Variants in ZNF385D observed in about 807,000 individuals in gnomAD.
ZNF385D encodes zinc finger protein 659.
In ZNF385D, 15 loss-of-function variants were observed where a neutral mutation model predicts 35.8. The observed-to-expected ratio is 0.42, with a 90% CI of 0.28 to 0.64. The LOEUF is 0.64. Among genes scored for constraint, ZNF385D ranks in the 30% least tolerant of loss-of-function variants. The pLI is 0.23. For synonymous variants in ZNF385D, 212 were observed against 186.8 expected, an observed-to-expected ratio of 1.13 and a Z score of -1.10; for missense variants, 474 against 494.6, an observed-to-expected ratio of 0.96 and a Z score of 0.39.
intron 3 of ZNF385D, among the ~76,000 whole-genome samples, chr3:21,919,674 T>G (rs1700359462): frequency 6.6e-6 from 1 of 152,196 alleles, no homozygotes; most frequent in Admixed American, 6.5e-5. Context: ...TTCACTAAAT[T>G]TAACCATATA....
intron 3 of ZNF385D, among the ~76,000 whole-genome samples, chr3:22,139,983 T>A (rs1333550159): frequency 6.6e-6 from 1 of 152,108 alleles, no homozygotes; most frequent in Non-Finnish European, 1.5e-5. Flanking sequence ...ATATAGAGAA[T>A]CTCTCACATA....
rs557635060 is a variant in ZNF385D at position 22,243,073 on chromosome 3, T to C, written c.107-74038A>G. On this transcript the variant is annotated intron_variant, in intron 2 of 5. Coordinates refer to the ZNF385D transcript ENST00000494108. ...AAAATTAAAACTTCTGTGCATTAAA[T>C]AGCACTATCAAAGGAAAACTACAGA... Among the ~76,000 whole-genome samples, 104 of 151,050 alleles carry C rather than the reference T, an allele frequency of 6.9e-4. 5 individuals carry two copies. Among genetic ancestry groups the C allele is most frequent in the African/African-American group, 2.5e-3 (102 of 40,922 alleles).
At position 21,794,893 on chromosome 3, in the gene ZNF385D, TATC is replaced by T. The variant is rs559723171; in HGVS notation, c.326-129868_326-129866del. ...TCTGAACATTGCAAATATTGTCACA[TATC>T]ATACAATGCTATTATGACAATTAAG... is the stretch of plus-strand genomic sequence containing the variant. On this transcript the variant is annotated intron_variant, in intron 3 of 5. Transcript: ENST00000494108. Among the ~76,000 whole-genome samples the T allele has an allele frequency of 1.1e-4, 16 of 152,304 alleles. No homozygotes were observed. In the South Asian group the frequency reaches 2.9e-3, roughly 28 times the overall value.
intron 3 of ZNF385D, among the ~76,000 whole-genome samples, chr3:22,168,214 A>G (rs1362999885): frequency 2.6e-5 from 4 of 152,110 alleles, no homozygotes; most frequent in East Asian, 3.9e-4. Flanking sequence ...ATGTCTCTAT[A>G]TTTTCTAATA....
At chr3:21,931,652 G>A (rs1420612557) in intron 3 of ZNF385D, among the ~76,000 whole-genome samples, 1 of 152,264 alleles carries the variant, frequency 6.6e-6, no homozygotes, top group East Asian at 1.9e-4. Flanking sequence ...GATGCTAGAT[G>A]CAGATGGAAA....
chr3:22,207,488 T>G (rs1229672436), intron 2 of ZNF385D, among the ~76,000 whole-genome samples: 2 of 151,938 alleles, frequency 1.3e-5, no homozygotes. Context: ...ATGAAACTAC[T>G]ATAATAAAAT....
intron 2 of ZNF385D, among the ~76,000 whole-genome samples, chr3:22,217,261 T>G (rs1206555802): frequency 2.0e-5 from 3 of 152,060 alleles, no homozygotes; most frequent in African/African-American, 7.2e-5. Flanking sequence ...AATAAACACT[T>G]TTGCCCATGT....
intron 2 of ZNF385D, among the ~76,000 whole-genome samples, chr3:22,208,614 C>T (rs1442773095): frequency 1.3e-5 from 2 of 151,694 alleles, no homozygotes; most frequent in Non-Finnish European, 2.9e-5. Flanking sequence ...ATGAATACCT[C>T]ATTTCCCCTC....
chr3:21,984,172 A>C (rs1297391961), intron 3 of ZNF385D, among the ~76,000 whole-genome samples: 1 of 133,908 alleles, frequency 7.5e-6, no homozygotes, highest in African/African-American at 3.8e-5. Flanking sequence ...TAGTTTAATT[A>C]GATCCCATTT....
At chr3:22,121,425 C>T (rs994650568) in intron 3 of ZNF385D, among the ~76,000 whole-genome samples, 3 of 152,184 alleles carry the variant, frequency 2.0e-5, no homozygotes, top group African/African-American at 7.2e-5. Flanking sequence ...TTTGATTAAA[C>T]TTTTAAATTG....
intron 2 of ZNF385D, among the ~76,000 whole-genome samples, chr3:22,239,430 A>G (rs1398656041): frequency 6.6e-6 from 1 of 151,040 alleles, no homozygotes; most frequent in Non-Finnish European, 1.5e-5. Flanking sequence ...TGAAATAGTG[A>G]GGGGAAAATT....
At chr3:22,013,289 C>T (rs1696687778) in intron 3 of ZNF385D, among the ~76,000 whole-genome samples, 1 of 151,998 alleles carries the variant, frequency 6.6e-6, no homozygotes, top group South Asian at 2.1e-4. Flanking sequence ...GGTTATTATA[C>T]ATAGTATATA....
chr3:22,006,765 T>C (rs540013406), intron 3 of ZNF385D, among the ~76,000 whole-genome samples: 122 of 151,992 alleles, frequency 8.0e-4, no homozygotes, highest in Middle Eastern at 3.4e-3. Flanking sequence ...AAACATCTCT[T>C]GAAATATATA....
chr3:21,954,646 T>A (rs966729695), intron 3 of ZNF385D, among the ~76,000 whole-genome samples: 1 of 152,162 alleles, frequency 6.6e-6, no homozygotes, highest in Non-Finnish European at 1.5e-5. Flanking sequence ...AGTGGCAACA[T>A]GATTCATTAA....
intron 4 of ZNF385D, among the ~76,000 whole-genome samples, chr3:21,438,523 TA>T (rs1701690071): frequency 6.6e-6 from 1 of 152,102 alleles, no homozygotes; most frequent in African/African-American, 2.4e-5. Context: ...CATCCAGGCA[TA>T]GGGGTGAAAA....
At position 22,306,621 on chromosome 3, in the gene ZNF385D, T is replaced by C. The variant is rs549488603; in HGVS notation, c.106+65829A>G. 9.9e-5 allele frequency among the ~76,000 whole-genome samples: 15 copies of C among 152,126 alleles called. No individual in the cohort carries two copies. In the East Asian group the frequency reaches 2.7e-3, roughly 28 times the overall value. On this transcript the variant is annotated intron_variant, in intron 2 of 5. Coordinates refer to the ZNF385D transcript ENST00000494108. ...CCAGGAAGAAGTCGCTGTAGCCAGG[T>C]GAGGGAGGATTTGAATGAGAGGGAA...
chr3:21,877,895 A>T (rs1046100662), intron 3 of ZNF385D: 3 of 152,058 alleles, frequency 2.0e-5, no homozygotes, highest in African/African-American at 7.2e-5. Context: ...CTTCTTCAAT[A>T]CATCTGTTAT....
intron 3 of ZNF385D, among the ~76,000 whole-genome samples, chr3:21,951,616 G>T (rs1473333409): frequency 6.6e-6 from 1 of 151,396 alleles, no homozygotes; most frequent in Non-Finnish European, 1.5e-5. Flanking sequence ...TCTGAATTAG[G>T]GTTCTTCCAC....
chr3:22,268,375 A>G (rs963758937), intron 2 of ZNF385D, among the ~76,000 whole-genome samples: 16 of 152,078 alleles, frequency 1.1e-4, no homozygotes, highest in Non-Finnish European at 1.8e-4. Context: ...GTTATAGTAC[A>G]TGAAAGCATA....
Sources: gnomAD v4.1 joint callset for allele counts (sites outside exome capture counted in the v4.1 genomes callset) on GRCh38, gnomAD v4.1.1 for gene constraint, MANE v1.5 for transcripts, NCBI Gene and HGNC (gene_info 2026-07-23, HGNC 2026-07-21) for gene names.